PCDHA6: variants seen among roughly 807,000 people sequenced by gnomAD.
PCDHA6 encodes the protein protocadherin alpha-6.
Under a neutral mutation model 60.3 loss-of-function variants are expected in PCDHA6, and 55 were observed. That is an observed-to-expected ratio of 0.91 (90% CI 0.73 to 1.14). PCDHA6 has a LOEUF of 1.14. Ranked by LOEUF, PCDHA6 falls within the 50% of genes most tolerant of loss-of-function variation. PCDHA6 has a pLI of 0.00. For missense variants in PCDHA6, 1,327 were observed against 1,256.5 expected (o/e 1.06, Z -0.85); for synonymous variants, 652 against 557.9 (o/e 1.17, Z -2.38).
intron 1 of PCDHA6, among the ~76,000 whole-genome samples, chr5:140,962,736 C>T (rs1233355346): frequency 2.0e-5 from 3 of 152,136 alleles, no homozygotes; most frequent in Non-Finnish European, 4.4e-5. Flanking sequence ...TCTGGGGATG[C>T]ATGAAGATCA....
At chr5:140,884,373 T>C (rs1554181483) in intron 1 of PCDHA6, 2 of 1,613,958 alleles carry the variant, frequency 1.2e-6, no homozygotes, top group South Asian at 2.2e-5. Context: ...TACTTGATCA[T>C]TGCCATCTGC....
chr5:140,984,641 C>T (rs2153834832), intron 3 of PCDHA6, among the ~76,000 whole-genome samples: 1 of 152,276 alleles, frequency 6.6e-6, no homozygotes, highest in South Asian at 2.1e-4. Context: ...TCTCTGCCTT[C>T]TCCCTGTCCT....
In PCDHA6 at chr5:141,010,436, G is replaced by C; in HGVS notation, c.*499G>C. 2 of 1,038,344 alleles carry C rather than the reference G, an allele frequency of 1.9e-6. No individual in the cohort carries two copies. Among genetic ancestry groups the C allele is most frequent in the Admixed American group, 5.8e-5 (2 of 34,296 alleles). The allele number at this position is 1,038,344 out of a possible 1,614,324, so 64.3% of individuals were successfully genotyped here. A position where few individuals can be genotyped will look rare whatever the true frequency, so the allele number is the denominator to read the frequency against. On this transcript the variant is annotated 3_prime_UTR_variant, in exon 4 of 4. Coordinates refer to ENST00000529310, the MANE Select transcript of PCDHA6 (RefSeq NM_018909.4). The stretch of plus-strand genomic sequence containing the variant: ...GGTACAAGGAAGGCAAGAAAACAAA[G>C]ACAAATAAACAGCGGAAGTTATCAG...
intron 1 of PCDHA6, chr5:140,863,562 G>T: frequency 5.3e-6 from 2 of 376,150 alleles, no homozygotes; most frequent in South Asian, 4.2e-5. Flanking sequence ...AAATTTTTGA[G>T]AATATAAGTA....
chr5:140,870,898 G>A (rs781950776), intron 1 of PCDHA6: 124 of 1,613,858 alleles, frequency 7.7e-5, no homozygotes, highest in Non-Finnish European at 1.0e-4. Flanking sequence ...AGTGGATGCG[G>A]ACTCAGGCTA....
chr5:140,898,033 GTTGT>G (rs2066486498), intron 1 of PCDHA6, among the ~76,000 whole-genome samples: 1 of 152,032 alleles, frequency 6.6e-6, no homozygotes, highest in South Asian at 2.1e-4. Flanking sequence ...TTTTGATGGG[GTTGT>G]TTGTTTTTTT....
intron 1 of PCDHA6, among the ~76,000 whole-genome samples, chr5:140,916,167 C>T (rs2077462600): frequency 6.6e-6 from 1 of 152,080 alleles, no homozygotes; most frequent in South Asian, 2.1e-4. Context: ...TGCTGCCAGG[C>T]CTGGGACTCT....
chr5:140,950,917 A>ACT (rs1554219681), intron 1 of PCDHA6, among the ~76,000 whole-genome samples: 4 of 151,642 alleles, frequency 2.6e-5, no homozygotes, highest in African/African-American at 9.7e-5. Context: ...ATTTTATTTC[A>ACT]GTTCTTTTTC....
In PCDHA6 at chr5:140,828,071, A is replaced by G. The variant is rs2150150586; in HGVS notation, c.-21A>G. The G allele has an allele frequency of 6.4e-7, 1 of 1,566,150 alleles. No homozygotes were observed. The highest frequency in any genetic ancestry group is 8.6e-7 in the Non-Finnish European group (1 of 1,158,126). ...TTATGCGGAAGATCTTCTAATGGAA[A>G]TAAAACCAGAGGTATTTGACATGGT... On this transcript the variant is annotated 5_prime_UTR_variant, in exon 1 of 4. Transcript: ENST00000529310.
intron 1 of PCDHA6, among the ~76,000 whole-genome samples, chr5:140,916,791 G>A (rs1159820496): frequency 6.6e-6 from 1 of 152,128 alleles, no homozygotes; most frequent in Admixed American, 6.5e-5. Flanking sequence ...AGCTGCCCCA[G>A]CTGATGACTT....
intron 1 of PCDHA6, chr5:140,875,466 T>A (rs782683106): frequency 2.4e-5 from 39 of 1,599,908 alleles, no homozygotes; most frequent in Admixed American, 1.2e-4. Flanking sequence ...GGCCCTCATT[T>A]TCTGCAATGG....
chr5:140,841,745 G>C, intron 1 of PCDHA6: 1 of 1,613,898 alleles, frequency 6.2e-7, no homozygotes, highest in Non-Finnish European at 8.5e-7. Flanking sequence ...AAAGCTGTTT[G>C]TTTCAGAATC....
At chr5:140,872,049 T>A (rs2053460307) in intron 1 of PCDHA6, among the ~76,000 whole-genome samples, 1 of 152,248 alleles carries the variant, frequency 6.6e-6, no homozygotes, top group African/African-American at 2.4e-5. Context: ...ATTCTCCCAC[T>A]TCAGCCTCCA....
rs2150368391 is a variant in PCDHA6 at position 140,844,038 on chromosome 5, G to A, written c.2394+13553G>A. On this transcript the variant is annotated intron_variant, in intron 1 of 3. Transcript: ENST00000529310. ...CGTTCAGGGCATTTTGATCTTTGGT[G>A]AAAGTATTCCCCCAAAGCGTTTATT... 1.1e-4 allele frequency among the ~76,000 whole-genome samples: 17 copies of A among 149,594 alleles called. 2 individuals are homozygous for A. Among genetic ancestry groups the A allele is most frequent in the South Asian group, 2.1e-4 (1 of 4,726 alleles).
chr5:140,898,505 T>A (rs1367691811), intron 1 of PCDHA6, among the ~76,000 whole-genome samples: 1 of 152,202 alleles, frequency 6.6e-6, no homozygotes, highest in East Asian at 1.9e-4. Flanking sequence ...GTTGTAGATA[T>A]GCGGCGTTAT....
At chr5:140,839,492 T>A (rs1240592123) in intron 1 of PCDHA6, among the ~76,000 whole-genome samples, 2 of 151,944 alleles carry the variant, frequency 1.3e-5, no homozygotes, top group Non-Finnish European at 2.9e-5. Context: ...TGGGCTCAAG[T>A]GATCTTCCTA....
intron 1 of PCDHA6, among the ~76,000 whole-genome samples, chr5:140,838,065 TTA>T (rs144773480): frequency 0.038 from 4,279 of 113,132 alleles, 207 homozygotes; most frequent in Non-Finnish European, 0.046. Context: ...CCACTTTAAG[TTA>T]TATATATATA....
At chr5:140,970,332 G>A (rs1236073527) in intron 1 of PCDHA6, among the ~76,000 whole-genome samples, 12 of 152,138 alleles carry the variant, frequency 7.9e-5, no homozygotes, top group Admixed American at 2.6e-4. Flanking sequence ...TCCAAAGCAT[G>A]CATTCATTTT....
chr5:140,941,211 CTTCCTTTCTTTCTTT>C (rs1563185551), intron 1 of PCDHA6, among the ~76,000 whole-genome samples: 1,583 of 129,706 alleles, frequency 0.012, 22 homozygotes, highest in African/African-American at 0.029. Flanking sequence ...TCCTTTCTTT[CTTCCTTTCTTTCTTT>C]CTTTCTTTCT....
Sources: gnomAD v4.1 joint callset for allele counts (sites outside exome capture counted in the v4.1 genomes callset) on GRCh38, gnomAD v4.1.1 for gene constraint, MANE v1.5 for transcripts, NCBI Gene and HGNC (gene_info 2026-07-23, HGNC 2026-07-21) for gene names.